The following APBA2 variants were observed in gnomAD, a reference collection of about 807,000 sequenced individuals.
APBA2 encodes amyloid-beta A4 precursor protein-binding family A member 2.
Under a neutral mutation model 75.0 loss-of-function variants are expected in APBA2, and 30 were observed. That is an observed-to-expected ratio of 0.40 (90% CI 0.30 to 0.54). APBA2 has a LOEUF of 0.54. Among genes scored for constraint, APBA2 ranks in the 20% least tolerant of loss-of-function variants. The pLI is 0.49. For missense variants in APBA2, 801 were observed against 1,016.1 expected, an observed-to-expected ratio of 0.79 and a Z score of 2.88; for synonymous variants, 444 against 409.6, an observed-to-expected ratio of 1.08 and a Z score of -1.01.
chr15:29,075,941 TG>T (rs2152925906), intron 5 of APBA2, 113 bp from the exon 6 acceptor site: 1 of 917,840 alleles, frequency 1.1e-6, no homozygotes, highest in South Asian at 1.3e-5. Context: ...CCATCACTCA[TG>T]GGGGGTTTGC....
chr15:28,937,595 T>A (rs1208704358), intron 2 of APBA2, among the ~76,000 whole-genome samples: 1 of 152,140 alleles, frequency 6.6e-6, no homozygotes, highest in African/African-American at 2.4e-5. Flanking sequence ...TAGGCCTCTC[T>A]CCCACTCCGG....
At chr15:28,919,899 G>A (rs1358028867) in intron 1 of APBA2, among the ~76,000 whole-genome samples, 1 of 152,234 alleles carries the variant, frequency 6.6e-6, no homozygotes, top group Non-Finnish European at 1.5e-5. Context: ...TGTGGCGACA[G>A]TGGCATGTTC....
In APBA2 at chr15:29,117,653, A is replaced by AAAG. The variant is rs2045280930; in HGVS notation, c.*521_*523dup. On this transcript the variant is annotated 3_prime_UTR_variant, in exon 15 of 15. Transcript: ENST00000683413. ...GGCTCCCAGGACACGACTTGTAATG[A>AAAG]AAGTTTGGGGACATGTGATTGATTG... 1 of 155,462 alleles carries AAAG rather than the reference A, an allele frequency of 6.4e-6. No homozygotes were observed. Among genetic ancestry groups the AAAG allele is most frequent in the African/African-American group, 2.5e-5 (1 of 39,950 alleles). The allele number at this position is 155,462 out of a possible 1,614,324, so 9.6% of individuals were successfully genotyped here.
chr15:29,047,664 T>G (rs964568491), intron 3 of APBA2, among the ~76,000 whole-genome samples: 5 of 152,122 alleles, frequency 3.3e-5, no homozygotes, highest in Non-Finnish European at 7.3e-5. Flanking sequence ...CATTGTTAAC[T>G]CCTCAGGGAA....
At chr15:28,924,492 C>T (rs2034150274) in intron 2 of APBA2, among the ~76,000 whole-genome samples, 1 of 152,182 alleles carries the variant, frequency 6.6e-6, no homozygotes, top group African/African-American at 2.4e-5. Flanking sequence ...CTGAATGTTT[C>T]CCATAAATTA....
At chr15:29,093,960 C>T (rs932631540) in intron 7 of APBA2, among the ~76,000 whole-genome samples, 1 of 152,226 alleles carries the variant, frequency 6.6e-6, no homozygotes, top group African/African-American at 2.4e-5. Flanking sequence ...AGCAGAGGCC[C>T]GGCCCTCCCA....
chr15:28,983,088 G>C (rs1595640670), intron 2 of APBA2, among the ~76,000 whole-genome samples: 2 of 152,278 alleles, frequency 1.3e-5, no homozygotes, highest in South Asian at 4.1e-4. Flanking sequence ...TTAGCTGGGG[G>C]ATCCCCTGGT....
At position 29,116,552 on chromosome 15, in the gene APBA2, C is replaced by CG. The variant is rs1420052491; in HGVS notation, c.2179-504dup. 9.3e-5 allele frequency among the ~76,000 whole-genome samples: 14 copies of CG among 150,362 alleles called. No homozygotes were observed. In the East Asian group the frequency reaches 2.4e-3, roughly 26 times the overall value. On this transcript the variant is annotated intron_variant, in intron 14 of 14. Transcript: ENST00000683413. Reference sequence around the variant, plus strand: ...CTGAGGCAGGAGAATGACATGAACCCGGGGGGCAGAGCTTGCAGTGAGCCG... The same window carrying CG: ...CTGAGGCAGGAGAATGACATGAACCCGGGGGGGCAGAGCTTGCAGTGAGCCG...
At chr15:29,024,606 T>G (rs903729693) in intron 3 of APBA2, among the ~76,000 whole-genome samples, 4 of 152,224 alleles carry the variant, frequency 2.6e-5, no homozygotes, top group Non-Finnish European at 5.9e-5. Context: ...GCATTTAACT[T>G]TTCTCTCTAG....
At chr15:29,061,385 G>C (rs1398087011) in intron 4 of APBA2, among the ~76,000 whole-genome samples, 1 of 152,166 alleles carries the variant, frequency 6.6e-6, no homozygotes, top group Non-Finnish European at 1.5e-5. Flanking sequence ...TGAGGTATTT[G>C]ATTTACTCAG....
intron 6 of APBA2, among the ~76,000 whole-genome samples, chr15:29,087,268 A>ATTTTT (rs1566990821): frequency 4.9e-5 from 7 of 143,152 alleles, no homozygotes; most frequent in African/African-American, 1.8e-4. Flanking sequence ...TTTTTTTAAA[A>ATTTTT]AAAATTATTT....
intron 3 of APBA2, among the ~76,000 whole-genome samples, chr15:29,031,456 C>T (rs1433256820): frequency 6.6e-6 from 1 of 152,022 alleles, no homozygotes; most frequent in East Asian, 1.9e-4. Context: ...CCTGGGGTCT[C>T]TCTGTGTACC....
At chr15:29,076,951 G>C (rs1298349315) in intron 6 of APBA2, among the ~76,000 whole-genome samples, 1 of 152,094 alleles carries the variant, frequency 6.6e-6, no homozygotes, top group East Asian at 1.9e-4. Flanking sequence ...TTTGAACCAG[G>C]CTAATCCAGT....
chr15:29,060,256 G>A (rs1247620785), intron 4 of APBA2, among the ~76,000 whole-genome samples: 1 of 152,192 alleles, frequency 6.6e-6, no homozygotes, highest in African/African-American at 2.4e-5. Flanking sequence ...CATGTTAGGG[G>A]TGTTAGGAAT....
chr15:29,014,205 T>A lies in APBA2; in HGVS notation c.-41+18399T>A, dbSNP rs74673416. On this transcript the variant is annotated intron_variant, in intron 3 of 14. Coordinates refer to ENST00000683413, the MANE Select transcript of APBA2 (RefSeq NM_001353788.2). Reference sequence around the variant, plus strand: ...TCCTATTCCATCTCACTTCGCTGCATGCAGCTCACATATTTCAGATGATCC... The same window carrying A: ...TCCTATTCCATCTCACTTCGCTGCAAGCAGCTCACATATTTCAGATGATCC... 5.7e-4 allele frequency among the ~76,000 whole-genome samples: 87 copies of A among 152,342 alleles called. No individual in the cohort carries two copies. The East Asian group carries it at 0.014, about 25-fold the overall frequency.
chr15:28,978,494 G>C lies in APBA2; in HGVS notation c.-94-17259G>C, dbSNP rs75676878. ...CTTTAATGGTAGGACAGAAGGAAGA[G>C]AAAGGAGCTCCCCAGAGTCCAGCTG... On this transcript the variant is annotated intron_variant, in intron 2 of 14. Coordinates refer to ENST00000683413, the MANE Select transcript of APBA2 (RefSeq NM_001353788.2). Among the ~76,000 whole-genome samples the C allele has an allele frequency of 4.0e-3, 609 of 152,366 alleles. 6 individuals are homozygous for C. The highest frequency in any genetic ancestry group is 0.014 in the African/African-American group (589 of 41,592).
chr15:29,042,936 T>C (rs16954995), intron 3 of APBA2, among the ~76,000 whole-genome samples: 8,491 of 152,182 alleles, frequency 0.056, 798 homozygotes, highest in African/African-American at 0.19. Flanking sequence ...TGTGTTCAGT[T>C]GCCCTCTTAT....
intron 4 of APBA2, among the ~76,000 whole-genome samples, chr15:29,058,441 G>A (rs558914595): frequency 6.6e-6 from 1 of 152,174 alleles, no homozygotes; most frequent in East Asian, 1.9e-4. Context: ...AGCCTGGGAG[G>A]CAGAAGCTGC....
At chr15:28,982,124 C>G (rs1483917029) in intron 2 of APBA2, among the ~76,000 whole-genome samples, 1 of 152,154 alleles carries the variant, frequency 6.6e-6, no homozygotes, top group Non-Finnish European at 1.5e-5. Context: ...AGGTAACAAA[C>G]CTGCACGTGG....
Sources: gnomAD v4.1 joint callset for allele counts (sites outside exome capture counted in the v4.1 genomes callset) on GRCh38, gnomAD v4.1.1 for gene constraint, MANE v1.5 for transcripts, NCBI Gene and HGNC (gene_info 2026-07-23, HGNC 2026-07-21) for gene names.